LCLAT1: variants seen among roughly 807,000 people sequenced by gnomAD.
LCLAT1 encodes the protein 1-AGP acyltransferase 8.
Under a neutral mutation model 30.7 loss-of-function variants are expected in LCLAT1, and 11 were observed. That is an observed-to-expected ratio of 0.36 (90% CI 0.23 to 0.59). LCLAT1 has a LOEUF of 0.59. Ranked by LOEUF, LCLAT1 falls within the 20% of genes least tolerant of loss-of-function variation. The pLI is 0.77. For synonymous variants in LCLAT1, 155 were observed against 151.3 expected (o/e 1.02, Z -0.18); for missense variants, 402 against 458.6 (o/e 0.88, Z 1.13).
intron 3 of LCLAT1, among the ~76,000 whole-genome samples, chr2:30,544,313 GAA>G (rs1168233470): frequency 2.0e-5 from 3 of 152,202 alleles, no homozygotes; most frequent in Non-Finnish European, 4.4e-5. Context: ...CATCATGCTA[GAA>G]AATGGAAACT....
At chr2:30,587,567 T>C (rs1331648697) in intron 5 of LCLAT1, among the ~76,000 whole-genome samples, 1 of 152,224 alleles carries the variant, frequency 6.6e-6, no homozygotes, top group Non-Finnish European at 1.5e-5. Flanking sequence ...AGTCCTCTTG[T>C]AACATTATAA....
chr2:30,498,837 C>A (rs576368478), intron 1 of LCLAT1, among the ~76,000 whole-genome samples: 2 of 152,120 alleles, frequency 1.3e-5, no homozygotes, highest in Non-Finnish European at 2.9e-5. Context: ...TTAATGCAAC[C>A]AATTTTAAAT....
chr2:30,574,290 TC>T (rs1396492531), intron 5 of LCLAT1, among the ~76,000 whole-genome samples: 3 of 152,160 alleles, frequency 2.0e-5, no homozygotes, highest in African/African-American at 7.2e-5. Flanking sequence ...ATAATGTGAG[TC>T]CAAACATTGT....
chr2:30,544,617 T>C (rs1664311686), intron 3 of LCLAT1, among the ~76,000 whole-genome samples: 2 of 152,002 alleles, frequency 1.3e-5, no homozygotes, highest in African/African-American at 4.8e-5. Context: ...AAATACCCAG[T>C]AGGGCTAGAG....
chr2:30,469,977 C>G (rs1436665074), intron 1 of LCLAT1, among the ~76,000 whole-genome samples: 1 of 152,082 alleles, frequency 6.6e-6, no homozygotes, highest in African/African-American at 2.4e-5. Flanking sequence ...GTGATCCACC[C>G]GCCTCAGCCT....
chr2:30,509,682 CA>C (rs1176588738), intron 1 of LCLAT1, among the ~76,000 whole-genome samples: 2 of 151,934 alleles, frequency 1.3e-5, no homozygotes, highest in Non-Finnish European at 2.9e-5. Context: ...TCTCCTGCCT[CA>C]GCTTCCCAAG....
chr2:30,547,792 C>T (rs1318881387), intron 3 of LCLAT1, among the ~76,000 whole-genome samples: 1 of 151,990 alleles, frequency 6.6e-6, no homozygotes, highest in Non-Finnish European at 1.5e-5. Context: ...AAGCGTAAAC[C>T]CAAATTGTTT....
chr2:30,560,292 GT>G (rs1665142781), intron 3 of LCLAT1, among the ~76,000 whole-genome samples: 1 of 120,238 alleles, frequency 8.3e-6, no homozygotes, highest in Non-Finnish European at 1.6e-5. Context: ...TGGTGTGTGT[GT>G]GTGTGTGTGT....
At chr2:30,553,831 A>G (rs1664792413) in intron 3 of LCLAT1, among the ~76,000 whole-genome samples, 1 of 152,240 alleles carries the variant, frequency 6.6e-6, no homozygotes, top group Non-Finnish European at 1.5e-5. Flanking sequence ...CAAAAAAAAA[A>G]AAGACAAATT....
rs116152769 is a variant in LCLAT1, at chr2:30,524,027, G to A, written c.-4-1560G>A. Among the ~76,000 whole-genome samples, 1,055 of 152,190 alleles carry A rather than the reference G, an allele frequency of 6.9e-3. 12 individuals are homozygous for A. The highest frequency in any genetic ancestry group is 0.024 in the African/African-American group (1,015 of 41,502). ...TGTGATTCTTTTAAAATATTCAGAG[G>A]TCTTGATCTCTCAGATACCTTTTTG... is the stretch of plus-strand genomic sequence containing the variant. On this transcript the variant is annotated intron_variant, in intron 1 of 5. Transcript: ENST00000379509.
At chr2:30,595,767 G>A (rs1666903099) in intron 5 of LCLAT1, among the ~76,000 whole-genome samples, 1 of 152,140 alleles carries the variant, frequency 6.6e-6, no homozygotes, top group Non-Finnish European at 1.5e-5. Context: ...GCATGCATTA[G>A]CTGTATTTCC....
chr2:30,473,598 C>T (rs1387625077), intron 1 of LCLAT1, among the ~76,000 whole-genome samples: 1 of 152,172 alleles, frequency 6.6e-6, no homozygotes, highest in African/African-American at 2.4e-5. Context: ...TAACCTACTT[C>T]TGTGGATGGA....
At chr2:30,499,151 G>A (rs1327751351) in intron 1 of LCLAT1, among the ~76,000 whole-genome samples, 1 of 152,092 alleles carries the variant, frequency 6.6e-6, no homozygotes, top group African/African-American at 2.4e-5. Flanking sequence ...AGTGGGGTTG[G>A]GCTCTGAAAT....
intron 4 of LCLAT1, among the ~76,000 whole-genome samples, chr2:30,564,377 A>G (rs10201020): frequency 0.13 from 19,300 of 152,136 alleles, 1,354 homozygotes; most frequent in South Asian, 0.23. Context: ...TAGTGTTAAT[A>G]TGTTCATACA....
chr2:30,622,799 G>A (rs1400966556), intron 5 of LCLAT1, among the ~76,000 whole-genome samples: 1 of 152,102 alleles, frequency 6.6e-6, no homozygotes, highest in Non-Finnish European at 1.5e-5. Context: ...AAAAGAATCT[G>A]AACAGCAGCT....
chr2:30,634,712 A>G (rs776801157), intron 5 of LCLAT1, among the ~76,000 whole-genome samples: 2 of 152,264 alleles, frequency 1.3e-5, no homozygotes, highest in Non-Finnish European at 2.9e-5. Context: ...TGTTGTTTTC[A>G]TGCCAAAAGA....
chr2:30,597,594 G>C (rs1257447801), intron 5 of LCLAT1, among the ~76,000 whole-genome samples: 1 of 152,176 alleles, frequency 6.6e-6, no homozygotes, highest in East Asian at 1.9e-4. Context: ...TGCAAACAAA[G>C]ACAATTTGGC....
chr2:30,634,239 C>T (rs1374231383), intron 5 of LCLAT1, among the ~76,000 whole-genome samples: 4 of 152,178 alleles, frequency 2.6e-5, no homozygotes, highest in African/African-American at 9.7e-5. Flanking sequence ...AAATATGAAA[C>T]TTTCCAATAG....
chr2:30,452,057 G>A (rs1681579077), intron 1 of LCLAT1, among the ~76,000 whole-genome samples: 1 of 152,218 alleles, frequency 6.6e-6, no homozygotes, highest in Non-Finnish European at 1.5e-5. Context: ...AGTCAGAATA[G>A]TGATTACTCT....
Sources: gnomAD v4.1 joint callset for allele counts (sites outside exome capture counted in the v4.1 genomes callset) on GRCh38, gnomAD v4.1.1 for gene constraint, MANE v1.5 for transcripts, NCBI Gene and HGNC (gene_info 2026-07-23, HGNC 2026-07-21) for gene names.